HMMR: variants seen among roughly 807,000 people sequenced by gnomAD.
HMMR encodes the protein hyaluronan mediated motility receptor.
In HMMR, 108 loss-of-function variants were observed where a neutral mutation model predicts 101.0. The observed-to-expected ratio is 1.07, with a 90% confidence interval of 0.92 to 1.25. The LOEUF (loss-of-function observed/expected upper bound fraction) is 1.25. Ranked by LOEUF, HMMR falls within the 50% of genes most tolerant of loss-of-function variation. The probability of loss-of-function intolerance (pLI) is 0.00; values close to 1 mark genes in which losing one functional copy is unlikely to be tolerated. For synonymous variants in HMMR, 296 were observed against 276.4 expected, an observed-to-expected ratio of 1.07 and a Z score of -0.70; for missense variants, 813 against 788.7, an observed-to-expected ratio of 1.03 and a Z score of -0.37.
chr5:163,482,295 C>T (rs1168382302), intron 12 of HMMR, among the ~76,000 whole-genome samples: 8 of 152,184 alleles, frequency 5.3e-5, no homozygotes, highest in Admixed American at 5.2e-4. Context: ...CTCATGCCAC[C>T]AGCTTCTGCT....
chr5:163,488,552 A>G (rs1377950807), intron 16 of HMMR, among the ~76,000 whole-genome samples: 1 of 152,122 alleles, frequency 6.6e-6, no homozygotes, highest in Admixed American at 6.5e-5. Context: ...AACATATCCC[A>G]CTACCTCCCC....
At chr5:163,489,773 A>G in intron 16 of HMMR, among the ~76,000 whole-genome samples, 1 of 152,118 alleles carries the variant, frequency 6.6e-6, no homozygotes, top group Non-Finnish European at 1.5e-5. Flanking sequence ...AGCCACAGGG[A>G]GCTGGGGACA....
Position 163,474,187 on chromosome 5 carries a change from A to C in HMMR, c.1035A>C (p.Ser345=). The C allele has an allele frequency of 6.2e-7, 1 of 1,604,584 alleles. No individual in the cohort carries two copies. The highest frequency in any genetic ancestry group is 1.1e-5 in the South Asian group (1 of 88,986). The stretch of plus-strand genomic sequence containing the variant: ...AACAAAAAGAATTACAAATTGATTC[A>C]CTTCTGCAACAAGAGAAAGTAATTT... ...KLQQKELQID[S]LLQQEKELSS... is the part of the protein sequence containing the mutation. The change falls in exon 10 of 18, where the codon TCA becomes TCC. Residue 345 remains serine (S), a synonymous_variant. Transcript: ENST00000393915.
chr5:163,471,540 A>G (rs558406220), intron 7 of HMMR, 77 bp downstream of exon 7: 1 of 952,868 alleles, frequency 1.0e-6, no homozygotes, highest in African/African-American at 1.6e-5. Context: ...ATTATTGTTT[A>G]CTGAGACTTC....
chr5:163,482,498 T>G (rs1321989294), intron 12 of HMMR, 144 bp from the exon 13 acceptor site: 5 of 614,804 alleles, frequency 8.1e-6, no homozygotes, highest in Non-Finnish European at 1.4e-5. Flanking sequence ...CTCAGAACAC[T>G]GAATTCTTAC....
chr5:163,465,025 T>G (rs1758652890), intron 3 of HMMR: 1 of 485,114 alleles, frequency 2.1e-6, no homozygotes, highest in South Asian at 3.5e-5. Context: ...GGTCTTCAAT[T>G]CTCAATCACT....
rs930445958 is a variant in HMMR, at chr5:163,490,441, A to G, written c.2014A>G (p.Lys672Glu). The change falls in exon 17 of 18, where the codon AAA (lysine) becomes GAA (glutamate). Residue 672 changes from lysine (K) to glutamate (E), a missense_variant. By Grantham distance (56) the Lys-to-Glu change is moderately conservative (BLOSUM62 1). Transcript: ENST00000393915. ...QLAKKKQSET[K>E]LQEELNKVLG... ...TGCTAAAAAAAAACAAAGTGAGACA[A>G]AACTTCAAGAGGAATTGAATAAAGT... is the stretch of plus-strand genomic sequence containing the variant. 120 of 1,599,188 alleles carry G rather than the reference A, an allele frequency of 7.5e-5. No individual in the cohort carries two copies. The highest frequency in any genetic ancestry group is 1.0e-4 in the Non-Finnish European group (117 of 1,174,544).
In HMMR at chr5:163,473,262, A is replaced by G; in HGVS notation, c.725+9A>G. 1.3e-6 allele frequency: 2 copies of G among 1,522,686 alleles called. No homozygotes were observed. The highest frequency in any genetic ancestry group is 1.8e-6 in the Non-Finnish European group (2 of 1,105,186). 94.3% of individuals were successfully genotyped at this position (1,522,686 alleles called of 1,614,324 possible). A position where few individuals can be genotyped will look rare whatever the true frequency, so the allele number is the denominator to read the frequency against. ...TACATCGAAGAAATTAGGTAATATGAGCAGTAGCTTTAAATTGAACCTTAT... is the reference window on the plus strand; with the variant it reads ...TACATCGAAGAAATTAGGTAATATGGGCAGTAGCTTTAAATTGAACCTTAT... On this transcript the variant is annotated intron_variant, in intron 8 of 17. Transcript: ENST00000393915.
chr5:163,489,216 G>A (rs570636466), intron 16 of HMMR: 1 of 152,548 alleles, frequency 6.6e-6, no homozygotes, highest in East Asian at 1.9e-4. Flanking sequence ...GGGAGCTCAG[G>A]GGGTAATGCT....
intron 12 of HMMR, among the ~76,000 whole-genome samples, chr5:163,480,832 T>G (rs1280887297): frequency 6.6e-6 from 1 of 152,188 alleles, no homozygotes; most frequent in Non-Finnish European, 1.5e-5. Context: ...TTGTAGAGGT[T>G]TTCTTTATCA....
chr5:163,476,468 T>G (rs971194167), intron 11 of HMMR, among the ~76,000 whole-genome samples: 2 of 152,262 alleles, frequency 1.3e-5, no homozygotes, highest in East Asian at 1.9e-4. Flanking sequence ...ACTTCAGAAA[T>G]AGCAATCAAA....
rs781556497 is a variant in HMMR, at chr5:163,483,344, T to C, written c.1762T>C (p.Tyr588His). The C allele has an allele frequency of 1.3e-6, 2 of 1,592,742 alleles. No individual in the cohort carries two copies. The highest frequency in any genetic ancestry group is 1.7e-6 in the Non-Finnish European group (2 of 1,162,942). The change falls in exon 15 of 18, where the codon TAT becomes CAT. Residue 588 changes from tyrosine to histidine, a missense_variant. Coordinates refer to ENST00000393915, the MANE Select transcript of HMMR (RefSeq NM_001142556.2). ...NKWRLLYEEL[Y>H]NKTKPFQLQL... ...GTGGCGTCTCCTCTATGAAGAACTA[T>C]ATAATAAAACAAAACCTTTTCAGGT...
chr5:163,485,453 C>G (rs1009070622), intron 16 of HMMR, among the ~76,000 whole-genome samples: 1 of 152,134 alleles, frequency 6.6e-6, no homozygotes, highest in Non-Finnish European at 1.5e-5. Context: ...TTTTCATGTG[C>G]TTACTGGCCA....
intron 1 of HMMR, among the ~76,000 whole-genome samples, chr5:163,461,083 T>C (rs967553124): frequency 6.6e-6 from 1 of 152,212 alleles, no homozygotes; most frequent in Non-Finnish European, 1.5e-5. Context: ...GCCTCACTGA[T>C]AAGAACACTG....
chr5:163,465,253 C>T (rs1365591194), intron 3 of HMMR: 1 of 158,048 alleles, frequency 6.3e-6, no homozygotes, highest in Non-Finnish European at 1.4e-5. Flanking sequence ...TCTTAATAGT[C>T]TTGTGGCTTG....
chr5:163,467,672 G>T (rs1365860152), intron 3 of HMMR, 29 bp from the exon 4 acceptor site: 2 of 1,331,894 alleles, frequency 1.5e-6, no homozygotes, highest in South Asian at 1.2e-5. Flanking sequence ...ATCTAAATTT[G>T]CTTATAAGTT....
In HMMR at chr5:163,491,884, C is replaced by G. The variant is rs1480810922; in HGVS notation, c.*720C>G. 1 of 152,180 alleles carries G rather than the reference C, an allele frequency of 6.6e-6. No individual in the cohort carries two copies. Among genetic ancestry groups the G allele is most frequent in the Non-Finnish European group, 1.5e-5 (1 of 68,040 alleles). The allele number at this position is 152,180 out of a possible 1,614,324, so 9.4% of individuals were successfully genotyped here. A position where few individuals can be genotyped will look rare whatever the true frequency, so the allele number is the denominator to read the frequency against. On this transcript the variant is annotated 3_prime_UTR_variant, in exon 18 of 18. Coordinates refer to ENST00000393915, the MANE Select transcript of HMMR (RefSeq NM_001142556.2). ...GCTTGTCATCTGCATGTCTACTCAG[C>G]ATTTGATTAACATTTGTGTAATATG...
At chr5:163,489,649 G>A (rs1013566057) in intron 16 of HMMR, among the ~76,000 whole-genome samples, 2 of 152,118 alleles carry the variant, frequency 1.3e-5, no homozygotes, top group African/African-American at 2.4e-5. Flanking sequence ...AGAGTCATCG[G>A]GGCCCAGCAT....
intron 5 of HMMR, chr5:163,470,055 C>T: frequency 2.8e-6 from 1 of 354,202 alleles, no homozygotes; most frequent in Middle Eastern, 8.1e-4. Context: ...GTAATCTCAG[C>T]TACTCGGGAG....
Sources: allele counts gnomAD v4.1 joint callset (sites outside exome capture counted in the v4.1 genomes callset), GRCh38; gene constraint gnomAD v4.1.1; transcripts MANE v1.5; gene names NCBI Gene and HGNC (gene_info 2026-07-23, HGNC 2026-07-21).